The following PTPN13 variants were observed in gnomAD, a reference collection of about 807,000 sequenced individuals.
PTPN13 encodes protein tyrosine phosphatase non-receptor type 13, also known as tyrosine-protein phosphatase non-receptor type 13.
Under a neutral mutation model 284.0 loss-of-function variants are expected in PTPN13, and 191 were observed. The observed-to-expected ratio is 0.67, with a 90% confidence interval of 0.60 to 0.76. The LOEUF is 0.76. Ranked by LOEUF, PTPN13 falls within the 30% of genes least tolerant of loss-of-function variation. The pLI is 0.00. For missense variants in PTPN13, 2,797 were observed against 2,939.9 expected, an observed-to-expected ratio of 0.95 and a Z score of 1.12; for synonymous variants, 986 against 1,022.3, an observed-to-expected ratio of 0.96 and a Z score of 0.68.
chr4:86,809,517 G>A (rs1252998692), intron 45 of PTPN13, among the ~76,000 whole-genome samples: 2 of 152,114 alleles, frequency 1.3e-5, no homozygotes, highest in African/African-American at 4.8e-5. Flanking sequence ...GACCAACATG[G>A]TGAAACCCCA....
intron 35 of PTPN13, among the ~76,000 whole-genome samples, chr4:86,779,417 C>CAAA (rs59094100): frequency 8.2e-6 from 1 of 122,514 alleles, no homozygotes; most frequent in African/African-American, 3.0e-5. Context: ...ACTCCGTCTC[C>CAAA]AAAAAAAAAA....
chr4:86,709,288 G>A (rs1398997767), intron 7 of PTPN13, among the ~76,000 whole-genome samples: 1 of 152,078 alleles, frequency 6.6e-6, no homozygotes, highest in Non-Finnish European at 1.5e-5. Flanking sequence ...TTAGGATGAT[G>A]ATGGGCTGTT....
chr4:86,705,585 ATGTTT>A (rs1565371361), intron 7 of PTPN13, among the ~76,000 whole-genome samples: 5 of 152,150 alleles, frequency 3.3e-5, no homozygotes, highest in Admixed American at 1.3e-4. Context: ...TTAAAAAGAA[ATGTTT>A]TGTACAATTT....
At position 86,760,296 on chromosome 4, in the gene PTPN13, G is replaced by A. The variant is rs973824647; in HGVS notation, c.3553+1223G>A. Among the ~76,000 whole-genome samples, 8 of 152,086 alleles carry A rather than the reference G, an allele frequency of 5.3e-5. 1 individual carries two copies. Among genetic ancestry groups the A allele is most frequent in the Admixed American group, 5.2e-4 (8 of 15,246 alleles). ...TAGGCAAAGGAAGACAACTACAGTT[G>A]GAAATGTTGTAACATACTTCTAAGT... On this transcript the variant is annotated intron_variant, in intron 23 of 47. Coordinates refer to ENST00000411767, the MANE Select transcript of PTPN13 (RefSeq NM_080683.3).
chr4:86,813,079 A>G (rs930924549), intron 47 of PTPN13, among the ~76,000 whole-genome samples: 1 of 152,184 alleles, frequency 6.6e-6, no homozygotes, highest in Non-Finnish European at 1.5e-5. Flanking sequence ...ACAGATAAGC[A>G]AAAAAGAAAC....
intron 32 of PTPN13, among the ~76,000 whole-genome samples, 186 bp from the exon 33 acceptor site, chr4:86,774,187 G>T (rs550650475): frequency 6.6e-6 from 1 of 152,166 alleles, no homozygotes; most frequent in Admixed American, 6.5e-5. Flanking sequence ...ATGCAGTGGG[G>T]GGACAGTCTG....
chr4:86,596,753 C>T lies in PTPN13; in HGVS notation c.-6+1964C>T, dbSNP rs568789945. Among the ~76,000 whole-genome samples, 11 of 152,228 alleles carry T rather than the reference C, an allele frequency of 7.2e-5. No individual in the cohort carries two copies. In the South Asian group the frequency reaches 1.2e-3, roughly 17 times the overall value. The stretch of plus-strand genomic sequence containing the variant: ...TTCCAGCTCATCTTAGTGCCCAGCC[C>T]CAAATGTACTGGAGAGAAGGACTGT... On this transcript the variant is annotated intron_variant, in intron 1 of 47. Coordinates refer to ENST00000411767, the MANE Select transcript of PTPN13 (RefSeq NM_080683.3).
intron 2 of PTPN13, among the ~76,000 whole-genome samples, chr4:86,669,439 C>T (rs749962688): frequency 6.2e-4 from 94 of 151,528 alleles, no homozygotes; most frequent in Non-Finnish European, 3.5e-4. Flanking sequence ...TTACACTGTA[C>T]GCTATAAATA....
intron 40 of PTPN13, among the ~76,000 whole-genome samples, chr4:86,794,570 A>G (rs1428744958): frequency 6.6e-6 from 1 of 152,216 alleles, no homozygotes; most frequent in Non-Finnish European, 1.5e-5. Context: ...ATGGAACCCA[A>G]AAAGAGTCCA....
chr4:86,625,580 G>A (rs924922672), intron 1 of PTPN13, among the ~76,000 whole-genome samples: 2 of 152,038 alleles, frequency 1.3e-5, no homozygotes, highest in African/African-American at 2.4e-5. Context: ...GTGTGTATGT[G>A]TGTGTGTTTA....
intron 3 of PTPN13, among the ~76,000 whole-genome samples, chr4:86,679,368 GTCC>G (rs1728635477): frequency 1.3e-5 from 2 of 152,274 alleles, no homozygotes; most frequent in East Asian, 1.9e-4. Context: ...GACCCTGTTT[GTCC>G]TCCTCATTAT....
Position 86,799,223 on chromosome 4 carries a change from G to GT in PTPN13, c.6505+25dup, listed in dbSNP as rs1459137764. 12 of 1,410,674 alleles carry GT rather than the reference G, an allele frequency of 8.5e-6. No homozygotes were observed. The highest frequency in any genetic ancestry group is 5.4e-5 in the South Asian group (4 of 73,912). 87.4% of individuals were successfully genotyped at this position (1,410,674 alleles called of 1,614,324 possible). ...GATAAAGGCAAGAATTTTAATGACA[G>GT]TTTTTTCCTCAAAAATAATGAATTG... On this transcript the variant is annotated intron_variant, in intron 42 of 47. Coordinates refer to ENST00000411767, the MANE Select transcript of PTPN13 (RefSeq NM_080683.3).
At chr4:86,804,751 T>C (rs565911735) in intron 43 of PTPN13, among the ~76,000 whole-genome samples, 13 of 152,350 alleles carry the variant, frequency 8.5e-5, no homozygotes, top group African/African-American at 3.1e-4. Flanking sequence ...TCTTATCTTC[T>C]TGCTCACCAC....
chr4:86,614,424 A>G (rs1578254663), intron 1 of PTPN13, among the ~76,000 whole-genome samples: 1 of 152,318 alleles, frequency 6.6e-6, no homozygotes, highest in African/African-American at 2.4e-5. Flanking sequence ...CAAAAAGGAT[A>G]ATCTTTTTTT....
At position 86,803,779 on chromosome 4, in the gene PTPN13, C is replaced by T. The variant is rs114813002; in HGVS notation, c.6576C>T (p.Tyr2192=). The change falls in exon 43 of 48, where the codon TAC becomes TAT. Residue 2192 remains tyrosine (Y), a synonymous_variant. Transcript: ENST00000411767. ...PVVKVLPSGK[Y]TGANLKSVIR... ...TCAAAGTGCTTCCCTCTGGTAAATACACGGGTGCCAACTTAAAATCAGTCA... is the reference window on the plus strand; with the variant it reads ...TCAAAGTGCTTCCCTCTGGTAAATATACGGGTGCCAACTTAAAATCAGTCA... 439 of 1,613,872 alleles carry T rather than the reference C, an allele frequency of 2.7e-4. No homozygotes were observed. In the African/African-American group the frequency reaches 5.2e-3, roughly 19 times the overall value.
At chr4:86,619,792 C>G (rs1286388071) in intron 1 of PTPN13, among the ~76,000 whole-genome samples, 2 of 151,520 alleles carry the variant, frequency 1.3e-5, no homozygotes, top group Non-Finnish European at 2.9e-5. Context: ...ATACTTGTCT[C>G]CATGATGAGG....
chr4:86,795,957 A>G (rs1266388906), intron 40 of PTPN13, among the ~76,000 whole-genome samples: 1 of 151,826 alleles, frequency 6.6e-6, no homozygotes, highest in African/African-American at 2.4e-5. Context: ...GTTGATGGGT[A>G]CAGCAAACCA....
intron 44 of PTPN13, among the ~76,000 whole-genome samples, chr4:86,805,865 A>C (rs946578147): frequency 3.3e-5 from 5 of 152,140 alleles, no homozygotes; most frequent in African/African-American, 1.2e-4. Flanking sequence ...GAACAAAAGC[A>C]ATCATTTTGG....
intron 1 of PTPN13, among the ~76,000 whole-genome samples, chr4:86,622,906 CT>C (rs1426986209): frequency 6.6e-6 from 1 of 152,194 alleles, no homozygotes; most frequent in Non-Finnish European, 1.5e-5. Flanking sequence ...CAAAATCAAA[CT>C]CTGAAACTTT....
Sources: allele counts gnomAD v4.1 joint callset (sites outside exome capture counted in the v4.1 genomes callset), GRCh38; gene constraint gnomAD v4.1.1; transcripts MANE v1.5; gene names NCBI Gene and HGNC (gene_info 2026-07-23, HGNC 2026-07-21).